The following RAD54B variants were observed in gnomAD, a reference collection of about 807,000 sequenced individuals.
The protein encoded by RAD54B is RAD54 homolog B.
A neutral mutation model predicts 95.8 loss-of-function variants in RAD54B; 78 were observed. The ratio of observed to expected loss-of-function variants is 0.81; its 90% CI spans 0.68 to 0.98. RAD54B has a LOEUF of 0.98. Ranked by LOEUF, RAD54B falls within the 50% of genes least tolerant of loss-of-function variation. The pLI is 0.00. For synonymous variants in RAD54B, 328 were observed against 354.9 expected (o/e 0.92, Z 0.85); for missense variants, 957 against 1,056.6 (o/e 0.91, Z 1.31).
At chr8:94,423,892 C>CT (rs758101255) in intron 3 of RAD54B, among the ~76,000 whole-genome samples, 3 of 152,168 alleles carry the variant, frequency 2.0e-5, no homozygotes, top group Non-Finnish European at 4.4e-5. Flanking sequence ...ATGTGTTTCT[C>CT]TGTTTTTATT....
chr8:94,407,272 A>G (rs947648651), intron 5 of RAD54B, among the ~76,000 whole-genome samples, 167 bp downstream of exon 5: 6 of 152,094 alleles, frequency 3.9e-5, no homozygotes, highest in Non-Finnish European at 8.8e-5. Context: ...TTCCCAAACT[A>G]TATTGTTATT....
At chr8:94,392,136 A>G (rs556601505) in intron 9 of RAD54B, among the ~76,000 whole-genome samples, 109 of 152,348 alleles carry the variant, frequency 7.2e-4, no homozygotes, top group African/African-American at 2.5e-3. Context: ...GATATATCCT[A>G]TAATTGGTAG....
rs1162775909 is a variant in RAD54B, at chr8:94,422,605, AAAAAAAAAAAAAATATATATATAT to A, written c.305-11314_305-11291del. On this transcript the variant is annotated intron_variant, in intron 3 of 14. Coordinates refer to ENST00000336148, the MANE Select transcript of RAD54B (RefSeq NM_012415.3). ...TTCGTCTCAAAAAAAAAAAAAAAAAAAAAAAAAAAAAAATATATATATATATATATATATATATATATATATATA... is the reference window on the plus strand; with the variant it reads ...TTCGTCTCAAAAAAAAAAAAAAAAAAATATATATATATATATATATATATA... 1.6e-4 allele frequency among the ~76,000 whole-genome samples: 16 copies of A among 98,166 alleles called. 2 individuals carry two copies. The highest frequency in any genetic ancestry group is 7.3e-4 in the African/African-American group (14 of 19,216). The allele number at this position is 98,166 out of a possible 152,430, so 64.4% of individuals were successfully genotyped here.
intron 3 of RAD54B, among the ~76,000 whole-genome samples, chr8:94,449,653 G>A (rs1266703603): frequency 6.6e-6 from 1 of 151,352 alleles, no homozygotes; most frequent in East Asian, 1.9e-4. Flanking sequence ...ACTCTGGAGA[G>A]AATTTGATAA....
At chr8:94,415,317 T>C (rs1382472424) in intron 3 of RAD54B, among the ~76,000 whole-genome samples, 1 of 142,978 alleles carries the variant, frequency 7.0e-6, no homozygotes, top group Non-Finnish European at 1.5e-5. Flanking sequence ...TAGCCATATG[T>C]AGAAAGCTGA....
chr8:94,450,678 G>T (rs183875063), intron 3 of RAD54B, among the ~76,000 whole-genome samples: 10 of 152,212 alleles, frequency 6.6e-5, no homozygotes, highest in Non-Finnish European at 1.0e-4. Flanking sequence ...CCAGGAGTTC[G>T]AGACGAACCT....
At chr8:94,380,099 T>C in intron 12 of RAD54B, 46 bp downstream of exon 12, 1 of 1,536,286 alleles carries the variant, frequency 6.5e-7, no homozygotes, top group Non-Finnish European at 8.9e-7. Context: ...AGGCATTGTA[T>C]CCTCAGGCAT....
chr8:94,473,452 A>G (rs1358101650), intron 1 of RAD54B, among the ~76,000 whole-genome samples: 1 of 152,224 alleles, frequency 6.6e-6, no homozygotes. Flanking sequence ...CAGTTTCCTC[A>G]TCTTTAAGAG....
chr8:94,382,255 AGAAT>A (rs1477762894), intron 11 of RAD54B, among the ~76,000 whole-genome samples: 1 of 152,244 alleles, frequency 6.6e-6, no homozygotes, highest in Non-Finnish European at 1.5e-5. Flanking sequence ...CAAAGTATGA[AGAAT>A]GAATAAAAGT....
At position 94,400,452 on chromosome 8, in the gene RAD54B, C is replaced by G. The variant is rs148896143; in HGVS notation, c.956G>C (p.Arg319Thr). The change falls in exon 7 of 15, where the codon AGA becomes ACA. Residue 319 changes from arginine (R) to threonine (T), a missense_variant. Coordinates refer to ENST00000336148, the MANE Select transcript of RAD54B (RefSeq NM_012415.3). ...ECVMGMRMNG[R>T]CGAILADEMG... ...TTCATCAGCAAGAATAGCTCCACAT[C>G]TGCCATTCATTCTGTTAGAAATAAT... The G allele has an allele frequency of 1.2e-6, 2 of 1,606,696 alleles. No homozygotes were observed. Among genetic ancestry groups the G allele is most frequent in the African/African-American group, 2.7e-5 (2 of 74,714 alleles).
chr8:94,404,371 G>A, intron 5 of RAD54B, 132 bp from the exon 6 acceptor site: 2 of 759,808 alleles, frequency 2.6e-6, no homozygotes, highest in South Asian at 2.7e-5. Flanking sequence ...TTTAGTCACA[G>A]TAATGTTACC....
chr8:94,436,651 T>C, intron 3 of RAD54B: 1 of 1,550,532 alleles, frequency 6.4e-7, no homozygotes, highest in Non-Finnish European at 8.7e-7. Context: ...TTTGAGCCTT[T>C]TATAAAGGGT....
At chr8:94,410,141 C>T (rs1811494027) in intron 4 of RAD54B, among the ~76,000 whole-genome samples, 1 of 152,176 alleles carries the variant, frequency 6.6e-6, no homozygotes, top group Non-Finnish European at 1.5e-5. Context: ...TTTACATGTG[C>T]TATTCTCTCT....
Position 94,378,303 on chromosome 8 carries a change from T to G in RAD54B, c.2392A>C (p.Thr798Pro). ...ACTGAAAACTGAATATGTTCAGATGTCTTGGTGAGGTCGACAACTGCCCCA... is the reference window on the plus strand; with the variant it reads ...ACTGAAAACTGAATATGTTCAGATGGCTTGGTGAGGTCGACAACTGCCCCA... ...LCGAVVDLTKTSEHIQFSVEE... is the reference protein window; with the variant it reads ...LCGAVVDLTKPSEHIQFSVEE... Residue 798 changes from threonine to proline, a missense_variant, in exon 14 of 15, where the codon ACA becomes CCA. Physicochemically the swap from Thr to Pro is conservative, Grantham distance 38 (BLOSUM62 -1). Coordinates refer to ENST00000336148, the MANE Select transcript of RAD54B (RefSeq NM_012415.3). The G allele has an allele frequency of 6.2e-7, 1 of 1,614,026 alleles. No individual in the cohort carries two copies. The highest frequency in any genetic ancestry group is 8.5e-7 in the Non-Finnish European group (1 of 1,179,960).
intron 1 of RAD54B, among the ~76,000 whole-genome samples, chr8:94,471,681 G>A (rs1813176102): frequency 6.6e-6 from 1 of 151,926 alleles, no homozygotes; most frequent in Admixed American, 6.5e-5. Context: ...TCTAGGTCTG[G>A]TTAGAATACC....
chr8:94,467,637 C>A (rs1448827994), intron 1 of RAD54B, 82 bp from the exon 2 acceptor site: 13 of 1,402,676 alleles, frequency 9.3e-6, no homozygotes, highest in Non-Finnish European at 1.2e-5. Context: ...AAAACTACAA[C>A]TAAGATGGAA....
chr8:94,440,497 A>G lies in RAD54B; in HGVS notation c.304+17771T>C, dbSNP rs148757005. ...ACGAATATATGTGTAAATGCTATGA[A>G]TCACTGCCAGTTTATGGAACTGGTA... is the stretch of plus-strand genomic sequence containing the variant. On this transcript the variant is annotated intron_variant, in intron 3 of 14. Coordinates refer to ENST00000336148, the MANE Select transcript of RAD54B (RefSeq NM_012415.3). Among the ~76,000 whole-genome samples the G allele has an allele frequency of 4.3e-4, 65 of 152,342 alleles. No individual in the cohort carries two copies. The East Asian group carries it at 0.013, about 29-fold the overall frequency.
In RAD54B at chr8:94,411,146, A is replaced by C. The variant is rs1451656403; in HGVS notation, c.474T>G (p.Asn158Lys). The C allele has an allele frequency of 6.2e-7, 1 of 1,607,520 alleles. No homozygotes were observed. The highest frequency in any genetic ancestry group is 2.2e-5 in the East Asian group (1 of 44,634). The change falls in exon 4 of 15, where the codon AAT (asparagine) becomes AAG (lysine). Residue 158 changes from asparagine (N) to lysine (K), a missense_variant. By Grantham distance (94) the Asn-to-Lys change is moderately conservative. Coordinates refer to ENST00000336148, the MANE Select transcript of RAD54B (RefSeq NM_012415.3). ...CTCTTCCAATGTCTTTGCCTTCCAA[A>C]TTCTTTAATATAAATGACTTTCCTT... ...IVKGKSFILK[N>K]LEGKDIGRGI...
intron 8 of RAD54B, among the ~76,000 whole-genome samples, chr8:94,394,582 C>T (rs1811099021): frequency 1.3e-5 from 2 of 152,120 alleles, no homozygotes; most frequent in South Asian, 4.1e-4. Context: ...TTAAGATCTT[C>T]ACCATCCAAA....
Sources: gnomAD v4.1 joint callset for allele counts (sites outside exome capture counted in the v4.1 genomes callset) on GRCh38, gnomAD v4.1.1 for gene constraint, MANE v1.5 for transcripts, NCBI Gene and HGNC (gene_info 2026-07-23, HGNC 2026-07-21) for gene names.